KMT2E: variants seen among roughly 807,000 people sequenced by gnomAD.
KMT2E encodes lysine methyltransferase 2E (inactive).
In KMT2E, 30 loss-of-function variants were observed where a neutral mutation model predicts 184.6. The ratio of observed to expected loss-of-function variants is 0.16; its 90% CI spans 0.12 to 0.22. The LOEUF (loss-of-function observed/expected upper bound fraction) is 0.22. Among genes scored for constraint, KMT2E ranks in the 10% least tolerant of loss-of-function variants. The pLI is 1.00. For synonymous variants in KMT2E, 815 were observed against 776.5 expected, an observed-to-expected ratio of 1.05 and a Z score of -0.82; for missense variants, 2,023 against 2,237.4, an observed-to-expected ratio of 0.90 and a Z score of 1.93.
chr7:105,097,844 T>C (rs1798479065), intron 15 of KMT2E, among the ~76,000 whole-genome samples: 1 of 152,192 alleles, frequency 6.6e-6, no homozygotes, highest in African/African-American at 2.4e-5. Context: ...GTACACATGG[T>C]TCTTACTCAT....
chr7:105,060,600 T>A (rs903549803), intron 3 of KMT2E, among the ~76,000 whole-genome samples: 4 of 151,948 alleles, frequency 2.6e-5, no homozygotes, highest in Non-Finnish European at 4.4e-5. Flanking sequence ...CTAGTTTTTT[T>A]TTTTTATTTT....
chr7:105,105,446 T>C lies in KMT2E; in HGVS notation c.2204T>C (p.Val735Ala). The C allele has an allele frequency of 6.3e-7, 1 of 1,582,950 alleles. No homozygotes were observed. Among genetic ancestry groups the C allele is most frequent in the Non-Finnish European group, 8.6e-7 (1 of 1,169,426 alleles). ...TKYPKTKKHL[V>A]NEWLSEKNEK... ...TTTTTTTCTTTTCTCTAGCACTTGGTTAATGAATGGTTAAGTGAGAAGAAT... is the reference window on the plus strand; with the variant it reads ...TTTTTTTCTTTTCTCTAGCACTTGGCTAATGAATGGTTAAGTGAGAAGAAT... The change falls in exon 18 of 27, where the codon GTT becomes GCT. Residue 735 changes from valine to alanine, a missense_variant. Val to Ala is a moderately conservative substitution (Grantham distance 64, BLOSUM62 0). This residue lies in a region of KMT2E where 514 missense variants were observed against 621.8 expected (regional missense o/e 0.83). Transcript: ENST00000311117.
intron 12 of KMT2E, among the ~76,000 whole-genome samples, 185 bp from the exon 13 acceptor site, chr7:105,081,503 A>G (rs1347392377): frequency 6.6e-6 from 1 of 151,934 alleles, no homozygotes; most frequent in South Asian, 2.1e-4. Flanking sequence ...GGATAGCAGT[A>G]TATGATTGAA....
rs567739790 is a variant in KMT2E at position 105,056,508 on chromosome 7, A to G, written c.72-5656A>G. Among the ~76,000 whole-genome samples the G allele has an allele frequency of 3.9e-5, 6 of 152,224 alleles. No homozygotes were observed. In the South Asian group the frequency reaches 1.2e-3, roughly 32 times the overall value. On this transcript the variant is annotated intron_variant, in intron 3 of 26. Coordinates refer to ENST00000311117, the MANE Select transcript of KMT2E (RefSeq NM_182931.3). The stretch of plus-strand genomic sequence containing the variant: ...TGTTTTCTTGTCTTTTTGCATATGC[A>G]TGGGGTATTGTCTTCCTCCAGCATT...
chr7:105,112,404 C>G lies in KMT2E; in HGVS notation c.4648C>G (p.Pro1550Ala). Residue 1550 changes from proline (P) to alanine (A), a missense_variant, in exon 27 of 27, where the codon CCA becomes GCA. Physicochemically the swap from Pro to Ala is conservative, Grantham distance 27 (BLOSUM62 -1). Around this residue, in one of 8 missense-constraint regions of KMT2E, gnomAD observed 1,108 missense variants for 1,050.9 expected, o/e 1.05. Transcript: ENST00000311117. ...CACGGCACCACCCCCTCCACCTCCTCCACCTCCTTCTTCGTCTTACTATCA... is the reference window on the plus strand; with the variant it reads ...CACGGCACCACCCCCTCCACCTCCTGCACCTCCTTCTTCGTCTTACTATCA... ...NSTAPPPPPP[P>A]PPSSSYYQNQ... 5 of 1,613,040 alleles carry G rather than the reference C, an allele frequency of 3.1e-6. No individual in the cohort carries two copies. Among genetic ancestry groups the G allele is most frequent in the Non-Finnish European group, 4.2e-6 (5 of 1,179,874 alleles).
At chr7:105,101,376 C>G (rs758776853) in intron 15 of KMT2E, 49 bp from the exon 16 acceptor site, 2 of 1,294,908 alleles carry the variant, frequency 1.5e-6, no homozygotes, top group Admixed American at 5.2e-5. Flanking sequence ...CTTAATTTTA[C>G]TTTTGAGCAT....
intron 3 of KMT2E, among the ~76,000 whole-genome samples, chr7:105,061,351 G>A (rs1250214182): frequency 6.6e-6 from 1 of 152,176 alleles, no homozygotes; most frequent in Admixed American, 6.6e-5. Flanking sequence ...TTATAGTTTT[G>A]TAAAATAAAG....
chr7:105,024,873 C>G (rs1009006097), intron 1 of KMT2E, among the ~76,000 whole-genome samples: 8 of 152,104 alleles, frequency 5.3e-5, no homozygotes, highest in East Asian at 1.9e-4. Flanking sequence ...ATGACAGACT[C>G]TCTGTCTACT....
Position 105,113,387 on chromosome 7 carries a change from C to A in KMT2E, c.*54C>A. 1.3e-6 allele frequency: 2 copies of A among 1,525,660 alleles called. No individual in the cohort carries two copies. The highest frequency in any genetic ancestry group is 8.9e-7 in the Non-Finnish European group (1 of 1,129,444). 94.5% of individuals were successfully genotyped at this position (1,525,660 alleles called of 1,614,324 possible). On this transcript the variant is annotated 3_prime_UTR_variant, in exon 27 of 27. Transcript: ENST00000311117. Reference sequence around the variant, plus strand: ...GTTCTGTAAGATAAACTGTATATTTCATATGTACCTGTTAAGGTACTTTTT... The same window carrying A: ...GTTCTGTAAGATAAACTGTATATTTAATATGTACCTGTTAAGGTACTTTTT...
intron 3 of KMT2E, among the ~76,000 whole-genome samples, chr7:105,045,351 C>T (rs554717131): frequency 2.6e-5 from 4 of 152,274 alleles, no homozygotes; most frequent in South Asian, 2.1e-4. Flanking sequence ...GTGAACAATT[C>T]GGTGGCAGTA....
At chr7:105,029,553 A>G (rs73184071) in intron 1 of KMT2E, among the ~76,000 whole-genome samples, 2,317 of 152,290 alleles carry the variant, frequency 0.015, 28 homozygotes, top group Non-Finnish European at 0.025. Flanking sequence ...TATTCAGGTG[A>G]TGAAGATGAT....
chr7:105,066,701 A>G (rs377148750), intron 5 of KMT2E, 26 bp from the exon 6 acceptor site: 34 of 1,530,786 alleles, frequency 2.2e-5, no homozygotes, highest in Non-Finnish European at 3.0e-5. Context: ...ATAATATTAC[A>G]TATGTTCTGC....
chr7:105,041,061 A>G (rs1562885929), intron 3 of KMT2E, 38 bp downstream of exon 3: 1 of 1,329,832 alleles, frequency 7.5e-7, no homozygotes, highest in Admixed American at 2.0e-5. Flanking sequence ...AAAAAAAAAA[A>G]AAAAACCCTT....
intron 1 of KMT2E, among the ~76,000 whole-genome samples, chr7:105,036,547 C>T (rs1443322535): frequency 6.6e-6 from 1 of 152,158 alleles, no homozygotes; most frequent in African/African-American, 2.4e-5. Context: ...CTTGATTTGG[C>T]TATTTATTAG....
At chr7:105,042,032 C>T (rs1390720393) in intron 3 of KMT2E, among the ~76,000 whole-genome samples, 3 of 152,170 alleles carry the variant, frequency 2.0e-5, no homozygotes, top group African/African-American at 7.2e-5. Flanking sequence ...GAGTCTCACT[C>T]TGTCATCCAG....
At chr7:105,035,179 C>G (rs1168725867) in intron 1 of KMT2E, among the ~76,000 whole-genome samples, 4 of 151,632 alleles carry the variant, frequency 2.6e-5, no homozygotes, top group African/African-American at 7.3e-5. Context: ...CGCCCACCAC[C>G]AAGCCTGGCT....
chr7:105,102,043 C>T lies in KMT2E; in HGVS notation c.2045C>T (p.Pro682Leu), dbSNP rs536287865. The T allele has an allele frequency of 1.2e-6, 2 of 1,613,896 alleles. No homozygotes were observed. Among genetic ancestry groups the T allele is most frequent in the Non-Finnish European group, 1.7e-6 (2 of 1,179,848 alleles). Reference sequence around the variant, plus strand: ...TGTTCAGATATCCAGCCATCTTCTCCTGATATAGAAGTTACTTCACAACAA... The same window carrying T: ...TGTTCAGATATCCAGCCATCTTCTCTTGATATAGAAGTTACTTCACAACAA... ...SMCSDIQPSS[P>L]DIEVTSQQND... The change falls in exon 17 of 27, where the codon CCT (proline) becomes CTT (leucine). Residue 682 changes from proline (P) to leucine (L), a missense_variant. Pro to Leu is a moderately conservative substitution (Grantham distance 98). Transcript: ENST00000311117.
chr7:105,105,174 A>T, intron 17 of KMT2E: 1 of 283,158 alleles, frequency 3.5e-6, no homozygotes, highest in Non-Finnish European at 6.5e-6. Flanking sequence ...CAAAAAAAAA[A>T]GTAATACAAA....
intron 3 of KMT2E, among the ~76,000 whole-genome samples, chr7:105,057,610 C>T (rs1796620167): frequency 6.6e-6 from 1 of 152,000 alleles, no homozygotes; most frequent in South Asian, 2.1e-4. Context: ...AGCCACCATG[C>T]CCAGCTAATT....
Sources: gnomAD v4.1 joint callset for allele counts (sites outside exome capture counted in the v4.1 genomes callset) on GRCh38, gnomAD v4.1.1 for gene constraint, gnomAD v4.1.1 regional missense constraint, MANE v1.5 for transcripts, NCBI Gene and HGNC (gene_info 2026-07-23, HGNC 2026-07-21) for gene names.